Variants in ZNF648 observed in about 807,000 individuals in gnomAD.
The protein encoded by ZNF648 is zinc finger protein 648.
Under a neutral mutation model 0.3 loss-of-function variants are expected in ZNF648, and 1 was observed. The ratio of observed to expected loss-of-function variants is 3.90; its 90% CI spans 1.39 to 18.51. The LOEUF (loss-of-function observed/expected upper bound fraction) is 18.51. ZNF648 is among the 30% of genes most tolerant of loss of function. The pLI, the probability that ZNF648 is intolerant of heterozygous loss-of-function variation, is 0.11. For missense variants in ZNF648, 874 were observed against 769.7 expected (o/e 1.14, Z -1.60); for synonymous variants, 376 against 326.8 (o/e 1.15, Z -1.62).
Position 182,056,843 on chromosome 1 carries a change from T to G in ZNF648, c.1168A>C (p.Lys390Gln), listed in dbSNP as rs1665924778. 6.4e-7 allele frequency: 1 copy of G among 1,558,408 alleles called. No homozygotes were observed. The highest frequency in any genetic ancestry group is 8.7e-7 in the Non-Finnish European group (1 of 1,151,384). Residue 390 changes from lysine to glutamine, a missense_variant, in exon 2 of 2, where the codon AAG becomes CAG. By Grantham distance (53) the Lys-to-Gln change is moderately conservative. Transcript: ENST00000339948. ...TCGCAGGCGGGGCAGCGGAAGGGCT[T>G]GGCGCCCAGGTGCGTGCGCTGGTGG... Reference protein sequence around the residue: ...LRHQRTHLGAKPFRCPACDRE... With the variant: ...LRHQRTHLGAQPFRCPACDRE...
intron 1 of ZNF648, among the ~76,000 whole-genome samples, chr1:182,060,015 G>A (rs1666004996): frequency 6.6e-6 from 1 of 152,178 alleles, no homozygotes; most frequent in African/African-American, 2.4e-5. Context: ...CTGCTCTGGG[G>A]CTGGGCTCTG....
rs41326547 is a variant in ZNF648 at position 182,061,558 on chromosome 1, G to A, written c.-64+10C>T. 0.14 allele frequency: 21,219 copies of A among 152,464 alleles called. 1,642 individuals are homozygous for A. The highest frequency in any genetic ancestry group is 0.28 in the East Asian group (1,427 of 5,166). The allele number at this position is 152,464 out of a possible 1,614,324, so 9.4% of individuals were successfully genotyped here. On this transcript the variant is annotated intron_variant, in intron 1 of 1. Coordinates refer to ENST00000339948, the MANE Select transcript of ZNF648 (RefSeq NM_001009992.1). ...CTCCACTCCTGGCTCACACACAGAC[G>A]GTTGCTTACCTGGGAAATGCAGACA... is the stretch of plus-strand genomic sequence containing the variant.
chr1:182,067,409 G>A, the ZNF648 span, among the ~76,000 whole-genome samples: 1 of 152,196 alleles, frequency 6.6e-6, no homozygotes, highest in East Asian at 1.9e-4. Context: ...GTTTAAATGA[G>A]ATGATGTGCT....
rs750328257 is a variant in ZNF648, at chr1:182,056,681, C to T, written c.1330G>A (p.Gly444Ser). The T allele has an allele frequency of 5.0e-6, 8 of 1,602,742 alleles. No individual in the cohort carries two copies. Among genetic ancestry groups the T allele is most frequent in the Admixed American group, 1.7e-5 (1 of 58,330 alleles). Residue 444 changes from glycine (G) to serine (S), a missense_variant, in exon 2 of 2, where the codon GGC becomes AGC. Gly to Ser is a moderately conservative substitution (Grantham distance 56). Transcript: ENST00000339948. ...NLSEHQTLHT[G>S]QRPFKCADCG... is the part of the protein sequence containing the mutation. ...TCAGCGCACTTGAAAGGCCTCTGGC[C>T]GGTGTGCAGCGTCTGGTGCTCGGAC...
rs760728138 is a variant in ZNF648, at chr1:182,056,943, G to GTTGCGCTGGTGT, written c.1056_1067dup (p.Lys352_Arg355dup). ...GGAAGGGCTTATTGTTGCTGTGCAT[G>GTTGCGCTGGTGT]TTGCGCTGGTGTTTGCGCAGGTCCG... On this transcript the variant is annotated inframe_insertion, in exon 2 of 2. Coordinates refer to ENST00000339948, the MANE Select transcript of ZNF648 (RefSeq NM_001009992.1). The GTTGCGCTGGTGT allele has an allele frequency of 2.5e-6, 4 of 1,612,806 alleles. No homozygotes were observed. In the East Asian group the frequency reaches 6.7e-5, roughly 27 times the overall value.
chr1:182,058,290 C>T (rs1387526514), intron 1 of ZNF648, among the ~76,000 whole-genome samples: 1 of 152,102 alleles, frequency 6.6e-6, no homozygotes, highest in Admixed American at 6.5e-5. Context: ...CCCAGGAGAC[C>T]ATGCTGTCAG....
chr1:182,060,944 G>A (rs1363569181), intron 1 of ZNF648, among the ~76,000 whole-genome samples: 1 of 152,116 alleles, frequency 6.6e-6, no homozygotes, highest in African/African-American at 2.4e-5. Context: ...TCCACAGTCT[G>A]TGTGTCATTC....
rs1485627099 is a variant in ZNF648, at chr1:182,057,378, C to T, written c.633G>A (p.Gln211=). 6.2e-7 allele frequency: 1 copy of T among 1,613,082 alleles called. No individual in the cohort carries two copies. Among genetic ancestry groups the T allele is most frequent in the Admixed American group, 1.7e-5 (1 of 60,010 alleles). ...CCAGGCTGGCTGGGGTGGCCGACGC[C>T]TGGGCTGGTGTATGTGTCTCTTGCG... ...LPTQETHTPA[Q]ASATPASLAA... The change falls in exon 2 of 2, where the codon CAG becomes CAA. Residue 211 remains glutamine, a synonymous_variant. Coordinates refer to ENST00000339948, the MANE Select transcript of ZNF648 (RefSeq NM_001009992.1).
chr1:182,066,367 C>T (rs1157117530), upstream of ZNF648, among the ~76,000 whole-genome samples: 1 of 152,190 alleles, frequency 6.6e-6, no homozygotes, highest in Non-Finnish European at 1.5e-5. Context: ...GCTCTGCTGC[C>T]AGCTGTCATC....
Position 182,057,856 on chromosome 1 carries a change from AC to A in ZNF648, c.154del (p.Val52TrpfsTer10). The A allele has an allele frequency of 1.2e-6, 2 of 1,614,112 alleles. No individual in the cohort carries two copies. The highest frequency in any genetic ancestry group is 1.7e-6 in the Non-Finnish European group (2 of 1,180,022). On this transcript the variant is annotated frameshift_variant, in exon 2 of 2. Coordinates refer to ENST00000339948, the MANE Select transcript of ZNF648 (RefSeq NM_001009992.1). LOFTEE classifies it low-confidence loss of function (END_TRUNC). ...EAEKEGTADP[V>X]ACPRGSSPVT... ...TGGGGAGCTGCCCCTTGGACAGGCC[AC>A]CGGGTCAGCGGTGCCCTCTTTTTCG...
upstream of ZNF648, chr1:182,063,783 C>T (rs530388137): frequency 1.3e-4 from 20 of 152,248 alleles, no homozygotes; most frequent in African/African-American, 4.6e-4. Flanking sequence ...TTTCCTATGC[C>T]TATGTCCTGA....
intron 1 of ZNF648, 82 bp from the exon 2 acceptor site, chr1:182,058,155 T>C (rs1665973126): frequency 4.1e-6 from 4 of 970,950 alleles, no homozygotes; most frequent in Non-Finnish European, 6.0e-6. Flanking sequence ...AGGTTCCCAC[T>C]ATAGCTCTGT....
rs773422907 is a variant in ZNF648 at position 182,057,355 on chromosome 1, A to G, written c.656T>C (p.Leu219Pro). Residue 219 changes from leucine (L) to proline (P), a missense_variant, in exon 2 of 2, where the codon CTG becomes CCG. Physicochemically the swap from Leu to Pro is moderately conservative, Grantham distance 98. Coordinates refer to ENST00000339948, the MANE Select transcript of ZNF648 (RefSeq NM_001009992.1). ...CGCTTTTGCCAGGACCGCGGCAGCC[A>G]GGCTGGCTGGGGTGGCCGACGCCTG... ...PAQASATPAS[L>P]AAAVLAKARN... The G allele has an allele frequency of 3.1e-6, 5 of 1,611,608 alleles. No individual in the cohort carries two copies. In the African/African-American group the frequency reaches 6.7e-5, roughly 21 times the overall value.
At chr1:182,061,008 A>G (rs1056201393) in intron 1 of ZNF648, among the ~76,000 whole-genome samples, 3 of 152,018 alleles carry the variant, frequency 2.0e-5, no homozygotes, top group African/African-American at 7.2e-5. Flanking sequence ...GCCCTCCACT[A>G]GCTAACCAAT....
At chr1:182,058,249 A>G (rs1057138802) in intron 1 of ZNF648, among the ~76,000 whole-genome samples, 176 bp from the exon 2 acceptor site, 9 of 152,034 alleles carry the variant, frequency 5.9e-5, no homozygotes, top group South Asian at 4.1e-4. Context: ...CAGTCATCCT[A>G]TTCCCTCTGG....
chr1:182,066,947 G>T, the ZNF648 span, among the ~76,000 whole-genome samples: 1 of 152,160 alleles, frequency 6.6e-6, no homozygotes, highest in East Asian at 1.9e-4. Flanking sequence ...TGGTCTCCTA[G>T]CCCCAAACAT....
upstream of ZNF648, chr1:182,063,341 T>C (rs1358548731): frequency 6.6e-6 from 1 of 152,256 alleles, no homozygotes; most frequent in Non-Finnish European, 1.5e-5. Context: ...ACGTTGCTAT[T>C]TCTTCGCAAC....
rs185742890 is a variant in ZNF648, at chr1:182,058,140, G to A, written c.-63-67C>T. On this transcript the variant is annotated intron_variant, in intron 1 of 1. Coordinates refer to ENST00000339948, the MANE Select transcript of ZNF648 (RefSeq NM_001009992.1). ...ACTTAATCACTTTCATGAGCAGAGG[G>A]ACTGAGGTTCCCACTATAGCTCTGT... 13 of 1,145,764 alleles carry A rather than the reference G, an allele frequency of 1.1e-5. No homozygotes were observed. The African/African-American group carries it at 1.4e-4, about 12-fold the overall frequency. 71.0% of individuals were successfully genotyped at this position (1,145,764 alleles called of 1,614,324 possible).
At chr1:182,067,727 C>T in the ZNF648 span, among the ~76,000 whole-genome samples, 3 of 152,144 alleles carry the variant, frequency 2.0e-5, no homozygotes, top group South Asian at 2.1e-4. Flanking sequence ...TGGCCCAGGC[C>T]GAGGGAGCAT....
Sources: allele counts gnomAD v4.1 joint callset (sites outside exome capture counted in the v4.1 genomes callset), GRCh38; gene constraint gnomAD v4.1.1; transcripts MANE v1.5; gene names NCBI Gene and HGNC (gene_info 2026-07-23, HGNC 2026-07-21).